SEMA4B: variants seen among roughly 807,000 people sequenced by gnomAD.
SEMA4B encodes the protein semaphorin 4B, also known as semaphorin-4B.
In SEMA4B, 55 loss-of-function variants were observed where a neutral mutation model predicts 88.1. The ratio of observed to expected loss-of-function variants is 0.62; its 90% CI spans 0.50 to 0.78. The LOEUF is 0.78. Among genes scored for constraint, SEMA4B ranks in the 30% least tolerant of loss-of-function variants. The probability of loss-of-function intolerance (pLI) is 0.00; values close to 1 mark genes in which losing one functional copy is unlikely to be tolerated. For synonymous variants in SEMA4B, 525 were observed against 473.6 expected, an observed-to-expected ratio of 1.11 and a Z score of -1.41; for missense variants, 1,062 against 1,111.9, an observed-to-expected ratio of 0.96 and a Z score of 0.64.
In SEMA4B at chr15:90,227,607, C is replaced by T. The variant is rs143185707; in HGVS notation, c.1739C>T (p.Ala580Val). 1,894 of 1,614,004 alleles carry T rather than the reference C, an allele frequency of 1.2e-3. 16 individuals carry two copies. In the East Asian group the frequency reaches 0.018, roughly 15 times the overall value. Reference sequence around the variant, plus strand: ...GCCAGCGCCAAGGACCTTTGCAGCGCGTCTTCGGTTGTGTCCCCGTCTTTT... The same window carrying T: ...GCCAGCGCCAAGGACCTTTGCAGCGTGTCTTCGGTTGTGTCCCCGTCTTTT... ...EGASAKDLCS[A>V]SSVVSPSFVP... Residue 580 changes from alanine to valine, a missense_variant, in exon 13 of 14, where the codon GCG becomes GTG. Coordinates refer to ENST00000411539, the MANE Select transcript of SEMA4B (RefSeq NM_198925.4).
upstream of SEMA4B, among the ~76,000 whole-genome samples, chr15:90,200,023 G>T (rs1169823183): frequency 6.6e-6 from 1 of 152,192 alleles, no homozygotes. Context: ...AGTTCTGGGA[G>T]CCCCTTTAAA....
In SEMA4B at chr15:90,227,951, A is replaced by G. The variant is rs753396313; in HGVS notation, c.1822A>G (p.Thr608Ala). ...QVQFQPNTVN[T>A]LACPLLSNLA... ...CCAGTTCCAGCCCAACACAGTGAAC[A>G]CTTTGGCCTGCCCGCTCCTCTCCAA... Residue 608 changes from threonine (T) to alanine (A), a missense_variant, in exon 14 of 14, where the codon ACT becomes GCT. Transcript: ENST00000411539. 4.3e-6 allele frequency: 7 copies of G among 1,613,464 alleles called. No individual in the cohort carries two copies. Among genetic ancestry groups the G allele is most frequent in the Non-Finnish European group, 4.2e-6 (5 of 1,179,858 alleles).
chr15:90,222,268 T>TTA (rs1961900975), intron 7 of SEMA4B, among the ~76,000 whole-genome samples: 1 of 145,600 alleles, frequency 6.9e-6, no homozygotes, highest in Non-Finnish European at 1.5e-5. Flanking sequence ...TTTTTTTTTT[T>TTA]ACTTAAAAAA....
chr15:90,215,497 CA>C (rs1961491320), intron 1 of SEMA4B, among the ~76,000 whole-genome samples: 1 of 152,080 alleles, frequency 6.6e-6, no homozygotes, highest in South Asian at 2.1e-4. Flanking sequence ...TGTTATTCTG[CA>C]AAAACAAAAG....
At chr15:90,191,540 C>T (rs913750712) in intron 1 of SEMA4B, among the ~76,000 whole-genome samples, 2 of 152,248 alleles carry the variant, frequency 1.3e-5, no homozygotes, top group African/African-American at 4.8e-5. Context: ...CATAGCACTC[C>T]GTCCTAGATG....
At chr15:90,216,259 C>G (rs187606880) in intron 1 of SEMA4B, among the ~76,000 whole-genome samples, 13 of 152,130 alleles carry the variant, frequency 8.5e-5, no homozygotes, top group Non-Finnish European at 1.6e-4. Context: ...TGAGCCACCA[C>G]GCCCAGCCCA....
rs766089827 is a variant in SEMA4B, at chr15:90,214,633, C to CAAAA, written c.158-2788_158-2785dup. 6.0e-4 allele frequency among the ~76,000 whole-genome samples: 56 copies of CAAAA among 93,878 alleles called. 1 individual carries two copies. Among genetic ancestry groups the CAAAA allele is most frequent in the Non-Finnish European group, 7.3e-4 (36 of 49,044 alleles). 61.6% of individuals were successfully genotyped at this position (93,878 alleles called of 152,430 possible). A position where few individuals can be genotyped will look rare whatever the true frequency, so the allele number is the denominator to read the frequency against. On this transcript the variant is annotated intron_variant, in intron 1 of 13. Coordinates refer to ENST00000411539, the MANE Select transcript of SEMA4B (RefSeq NM_198925.4). ...GGGCAACAACAGCAAAACACCATCTCAAAAAAAAAAAAAAAAAAAAAGGCT... is the reference window on the plus strand; with the variant it reads ...GGGCAACAACAGCAAAACACCATCTCAAAAAAAAAAAAAAAAAAAAAAAAAGGCT...
upstream of SEMA4B, among the ~76,000 whole-genome samples, chr15:90,198,197 G>A (rs1047443350): frequency 2.0e-5 from 3 of 152,150 alleles, no homozygotes; most frequent in East Asian, 1.9e-4. Context: ...GATTACAGGC[G>A]TGAGCCACCG....
chr15:90,204,838 C>G (rs1342472521), intron 1 of SEMA4B, among the ~76,000 whole-genome samples: 1 of 152,088 alleles, frequency 6.6e-6, no homozygotes, highest in East Asian at 1.9e-4. Context: ...TACAGTGATG[C>G]CATCTCCGCT....
rs1278163628 is a variant in SEMA4B at position 90,227,504 on chromosome 15, A to G, written c.1689-53A>G. The G allele has an allele frequency of 4.6e-6, 7 of 1,538,308 alleles. No individual in the cohort carries two copies. In the East Asian group the frequency reaches 1.6e-4, roughly 35 times the overall value. On this transcript the variant is annotated intron_variant, in intron 12 of 13. Transcript: ENST00000411539. Reference sequence around the variant, plus strand: ...CAAGTCTGCAGTGAGGGGTGAGGGAATGTGAGCTCAGGGGACTTCCTGGCC... The same window carrying G: ...CAAGTCTGCAGTGAGGGGTGAGGGAGTGTGAGCTCAGGGGACTTCCTGGCC...
intron 1 of SEMA4B, among the ~76,000 whole-genome samples, chr15:90,216,891 T>C (rs543368248): frequency 1.3e-3 from 195 of 152,344 alleles, no homozygotes; most frequent in African/African-American, 4.5e-3. Context: ...ACTCTGTCAA[T>C]GCAAATAGCA....
intron 7 of SEMA4B, among the ~76,000 whole-genome samples, chr15:90,223,114 C>T (rs1961950826): frequency 6.6e-6 from 1 of 152,006 alleles, no homozygotes; most frequent in South Asian, 2.1e-4. Flanking sequence ...TACCAGCATG[C>T]ACCACCATGC....
At chr15:90,207,725 G>A (rs1436570324) in intron 1 of SEMA4B, among the ~76,000 whole-genome samples, 1 of 152,210 alleles carries the variant, frequency 6.6e-6, no homozygotes, top group Non-Finnish European at 1.5e-5. Context: ...ATAATTGCAG[G>A]TTATATTTTT....
intron 7 of SEMA4B, 95 bp downstream of exon 7, chr15:90,221,860 C>T: frequency 8.2e-7 from 1 of 1,226,594 alleles, no homozygotes; most frequent in Non-Finnish European, 1.1e-6. Flanking sequence ...CTTTCCCATC[C>T]CGCCAAGGAG....
At chr15:90,220,027 A>G (rs1032540256) in intron 4 of SEMA4B, 136 bp downstream of exon 4, 5 of 624,406 alleles carry the variant, frequency 8.0e-6, no homozygotes, top group Admixed American at 6.6e-5. Flanking sequence ...ACTGGCCTCC[A>G]AGAGCCCTGA....
chr15:90,205,842 AG>A (rs1176962762), intron 1 of SEMA4B, among the ~76,000 whole-genome samples: 2 of 152,222 alleles, frequency 1.3e-5, no homozygotes, highest in African/African-American at 4.8e-5. Context: ...GGTCATTACC[AG>A]GGGTCCTGCT....
rs760728599 is a variant in SEMA4B, at chr15:90,228,475, C to T, written c.2346C>T (p.Leu782=). Residue 782 remains leucine, a synonymous_variant, in exon 14 of 14, where the codon CTC becomes CTT. Transcript: ENST00000411539. Reference sequence around the variant, plus strand: ...GCCTAGGGCCCCCTAGCACCCCGCTCGATCACCGAGGGTACCAGTCCCTGT... The same window carrying T: ...GCCTAGGGCCCCCTAGCACCCCGCTTGATCACCGAGGGTACCAGTCCCTGT... The part of the protein sequence containing the change: ...LNGLGPPSTP[L]DHRGYQSLSD... The T allele has an allele frequency of 8.1e-6, 13 of 1,609,664 alleles. No homozygotes were observed. The highest frequency in any genetic ancestry group is 4.0e-5 in the African/African-American group (3 of 74,958).
intron 1 of SEMA4B, among the ~76,000 whole-genome samples, chr15:90,203,752 A>G (rs1270881719): frequency 6.6e-6 from 1 of 152,146 alleles, no homozygotes; most frequent in Non-Finnish European, 1.5e-5. Context: ...AGGACCTGAA[A>G]TGCAGTCCAC....
chr15:90,220,578 C>T (rs1456628517), intron 4 of SEMA4B, among the ~76,000 whole-genome samples: 1 of 151,780 alleles, frequency 6.6e-6, no homozygotes, highest in African/African-American at 2.4e-5. Flanking sequence ...ACCGTGTTAG[C>T]CAGGATGGTC....
Sources: gnomAD v4.1 joint callset for allele counts (sites outside exome capture counted in the v4.1 genomes callset) on GRCh38, gnomAD v4.1.1 for gene constraint, MANE v1.5 for transcripts, NCBI Gene and HGNC (gene_info 2026-07-23, HGNC 2026-07-21) for gene names.